SHISA6: variants seen among roughly 807,000 people sequenced by gnomAD.
SHISA6 encodes shisa family member 6.
A neutral mutation model predicts 47.9 loss-of-function variants in SHISA6; 22 were observed. That is an observed-to-expected ratio of 0.46 (90% CI 0.33 to 0.66). The LOEUF is 0.66. SHISA6 is among the 30% of genes least tolerant of loss of function. The pLI is 0.02. For synonymous variants in SHISA6, 388 were observed against 337.8 expected, an observed-to-expected ratio of 1.15 and a Z score of -1.63; for missense variants, 680 against 764.6, an observed-to-expected ratio of 0.89 and a Z score of 1.30.
intron 3 of SHISA6, among the ~76,000 whole-genome samples, chr17:11,526,936 T>TATATATA (rs2071692024): frequency 8.2e-5 from 5 of 60,926 alleles, no homozygotes; most frequent in Admixed American, 2.1e-4. Context: ...TATATATATA[T>TATATATA]TATAATGATC....
chr17:11,363,201 CTT>C (rs35611414), intron 2 of SHISA6, among the ~76,000 whole-genome samples: 1 of 144,378 alleles, frequency 6.9e-6, no homozygotes. Flanking sequence ...GGGTACATTT[CTT>C]TTTTTTTTTT....
intron 3 of SHISA6, among the ~76,000 whole-genome samples, chr17:11,476,488 A>C (rs575738775): frequency 6.6e-6 from 1 of 151,982 alleles, no homozygotes; most frequent in Non-Finnish European, 1.5e-5. Context: ...TTTTATTTTC[A>C]CATAGTTCAA....
intron 2 of SHISA6, among the ~76,000 whole-genome samples, chr17:11,295,800 A>C (rs986571254): frequency 6.6e-6 from 1 of 152,008 alleles, no homozygotes; most frequent in African/African-American, 2.4e-5. Context: ...CGTCTCTACT[A>C]AAAATACAAA....
intron 3 of SHISA6, among the ~76,000 whole-genome samples, chr17:11,412,542 CTTCT>C (rs148123939): frequency 0.12 from 17,120 of 145,318 alleles, 1,062 homozygotes; most frequent in East Asian, 0.18. Context: ...ACTTAGACTT[CTTCT>C]TTTTTTTTTT....
At chr17:11,308,801 G>A (rs1476196663) in intron 2 of SHISA6, among the ~76,000 whole-genome samples, 1 of 152,172 alleles carries the variant, frequency 6.6e-6, no homozygotes, top group East Asian at 1.9e-4. Context: ...TAAAGAAAAT[G>A]CTTTGTTATG....
intron 3 of SHISA6, among the ~76,000 whole-genome samples, chr17:11,433,303 A>G (rs1025452623): frequency 5.9e-5 from 9 of 151,452 alleles, no homozygotes; most frequent in South Asian, 2.1e-4. Context: ...TCATTGTTCA[A>G]CTCCCACTTA....
At chr17:11,349,720 C>G (rs1911810268) in intron 2 of SHISA6, among the ~76,000 whole-genome samples, 1 of 152,168 alleles carries the variant, frequency 6.6e-6, no homozygotes, top group Non-Finnish European at 1.5e-5. Context: ...GTCAGCTCCA[C>G]TATCTGCTAA....
At chr17:11,353,433 G>A in intron 2 of SHISA6, among the ~76,000 whole-genome samples, 2 of 150,876 alleles carry the variant, frequency 1.3e-5, no homozygotes, top group Non-Finnish European at 2.9e-5. Flanking sequence ...CTCCAGCCTG[G>A]CAACAGAGCA....
In SHISA6 at chr17:11,557,806, G is replaced by C. The variant is rs1223515317; in HGVS notation, c.1158G>C (p.Leu386=). 1 of 1,551,266 alleles carries C rather than the reference G, an allele frequency of 6.4e-7. No homozygotes were observed. The change falls in exon 6 of 6, where the codon CTG becomes CTC. Residue 386 remains leucine, a synonymous_variant. Transcript: ENST00000441885. The part of the protein sequence containing the change: ...YYMRRRHLPD[L]AARGTLPLNV... ...TGAGACGGCGGCACCTGCCCGACCT[G>C]GCTGCCCGCGGCACCCTCCCCCTCA...
intron 2 of SHISA6, among the ~76,000 whole-genome samples, chr17:11,267,702 T>G (rs1032933296): frequency 6.6e-6 from 1 of 152,132 alleles, no homozygotes; most frequent in Non-Finnish European, 1.5e-5. Flanking sequence ...CACATCAAGA[T>G]CTGCAAGATG....
chr17:11,461,225 G>T (rs1046717354), intron 3 of SHISA6, among the ~76,000 whole-genome samples: 1 of 152,050 alleles, frequency 6.6e-6, no homozygotes, highest in Non-Finnish European at 1.5e-5. Flanking sequence ...GTGAAACGCT[G>T]TCTCTACTAA....
At chr17:11,393,278 C>G (rs1913450071) in intron 3 of SHISA6, among the ~76,000 whole-genome samples, 1 of 152,214 alleles carries the variant, frequency 6.6e-6, no homozygotes, top group East Asian at 1.9e-4. Flanking sequence ...CTTTCTCTCT[C>G]TCACTGCCTG....
At chr17:11,289,531 G>A (rs1909442622) in intron 2 of SHISA6, 1 of 146,728 alleles carries the variant, frequency 6.8e-6, no homozygotes, top group South Asian at 2.3e-4. Context: ...GCTTACATGT[G>A]AAATTGCCCT....
At chr17:11,442,622 T>C (rs1915121751) in intron 3 of SHISA6, among the ~76,000 whole-genome samples, 1 of 152,198 alleles carries the variant, frequency 6.6e-6, no homozygotes, top group African/African-American at 2.4e-5. Context: ...AATGTTTAGC[T>C]CAGTGCCTGG....
intron 2 of SHISA6, among the ~76,000 whole-genome samples, chr17:11,318,070 T>C (rs1393030212): frequency 2.6e-5 from 4 of 152,176 alleles, no homozygotes; most frequent in African/African-American, 9.7e-5. Context: ...ATTTTTTTTA[T>C]GTATTTCTGA....
chr17:11,428,847 C>T (rs34986663), intron 3 of SHISA6, among the ~76,000 whole-genome samples: 18,169 of 148,268 alleles, frequency 0.12, 1,328 homozygotes, highest in African/African-American at 0.19. Context: ...TGCAGTGGCA[C>T]GATCTCTGCT....
intron 3 of SHISA6, among the ~76,000 whole-genome samples, chr17:11,470,714 G>A (rs1431333947): frequency 6.6e-6 from 1 of 151,220 alleles, no homozygotes; most frequent in African/African-American, 2.4e-5. Flanking sequence ...CTTCTGAGGA[G>A]GGGTGGGGGT....
At chr17:11,287,932 A>G (rs2142166218) in intron 2 of SHISA6, among the ~76,000 whole-genome samples, 1 of 152,328 alleles carries the variant, frequency 6.6e-6, no homozygotes, top group Non-Finnish European at 1.5e-5. Flanking sequence ...AAAAGTAGAA[A>G]GAATGGTATG....
At chr17:11,537,067 G>T (rs1170162109) in intron 3 of SHISA6, among the ~76,000 whole-genome samples, 1 of 151,476 alleles carries the variant, frequency 6.6e-6, no homozygotes, top group Non-Finnish European at 1.5e-5. Context: ...TTGTTTCCCT[G>T]TGTGGGCATG....
Sources: allele counts gnomAD v4.1 joint callset (sites outside exome capture counted in the v4.1 genomes callset), GRCh38; gene constraint gnomAD v4.1.1; transcripts MANE v1.5; gene names NCBI Gene and HGNC (gene_info 2026-07-23, HGNC 2026-07-21).